CATSPERB: variants seen among roughly 807,000 people sequenced by gnomAD.
The protein encoded by CATSPERB is catsper channel auxiliary subunit beta, also known as cation channel sperm-associated auxiliary subunit beta.
A neutral mutation model predicts 128.3 loss-of-function variants in CATSPERB; 93 were observed. The ratio of observed to expected loss-of-function variants is 0.72; its 90% CI spans 0.61 to 0.86. The LOEUF (loss-of-function observed/expected upper bound fraction) is 0.86, where lower values mean the gene tolerates loss of function less well. Among genes scored for constraint, CATSPERB ranks in the 40% least tolerant of loss-of-function variants. CATSPERB has a pLI of 0.00. For missense variants in CATSPERB, 1,153 were observed against 1,329.5 expected (o/e 0.87, Z 2.06); for synonymous variants, 381 against 448.8 (o/e 0.85, Z 1.91).
Position 91,704,664 on chromosome 14 carries a change from T to G in CATSPERB, c.504A>C (p.Pro168=). 1 of 1,613,914 alleles carries G rather than the reference T, an allele frequency of 6.2e-7. No homozygotes were observed. The highest frequency in any genetic ancestry group is 8.5e-7 in the Non-Finnish European group (1 of 1,179,866). The change falls in exon 7 of 27, where the codon CCA becomes CCC. Residue 168 remains proline (P), a synonymous_variant. Coordinates refer to ENST00000256343, the MANE Select transcript of CATSPERB (RefSeq NM_024764.4). ...GATATAATTTACTGATTTCACTTTC[T>G]GGAATCACATCCCCAGGAGTCCACT... ...ILQWTPGDVI[P]ESEISKLYPH... is the part of the protein sequence containing the mutation.
At chr14:91,679,489 T>C (rs1317453836) in intron 11 of CATSPERB, among the ~76,000 whole-genome samples, 1 of 152,172 alleles carries the variant, frequency 6.6e-6, no homozygotes, top group Non-Finnish European at 1.5e-5. Flanking sequence ...CTATATCAGA[T>C]GTAAGATTTT....
chr14:91,612,051 TC>T (rs1893841286), intron 20 of CATSPERB, among the ~76,000 whole-genome samples: 1 of 119,780 alleles, frequency 8.3e-6, no homozygotes, highest in Non-Finnish European at 1.8e-5. Context: ...TTTCTTTCTT[TC>T]TTTCTTTCTT....
At chr14:91,676,931 C>G (rs1319800318) in intron 11 of CATSPERB, among the ~76,000 whole-genome samples, 3 of 152,138 alleles carry the variant, frequency 2.0e-5, no homozygotes, top group African/African-American at 4.8e-5. Flanking sequence ...CATCTACAAC[C>G]ATCTCATCTT....
chr14:91,670,606 G>A (rs889294176), intron 13 of CATSPERB, among the ~76,000 whole-genome samples: 1 of 152,086 alleles, frequency 6.6e-6, no homozygotes, highest in African/African-American at 2.4e-5. Flanking sequence ...GCTTGAGCCA[G>A]GAGTTAGAGT....
At chr14:91,594,390 A>G (rs990696569) in intron 22 of CATSPERB, among the ~76,000 whole-genome samples, 3 of 152,104 alleles carry the variant, frequency 2.0e-5, no homozygotes, top group African/African-American at 7.2e-5. Flanking sequence ...TGACGAGTTA[A>G]TGGGTGCAGC....
intron 17 of CATSPERB, among the ~76,000 whole-genome samples, chr14:91,633,002 T>C (rs1235006804): frequency 1.3e-5 from 2 of 152,162 alleles, no homozygotes; most frequent in South Asian, 2.1e-4. Context: ...CTTGTTAAAC[T>C]AACCCTTATC....
At chr14:91,703,346 A>C (rs901188154) in intron 7 of CATSPERB, among the ~76,000 whole-genome samples, 1 of 152,148 alleles carries the variant, frequency 6.6e-6, no homozygotes, top group Non-Finnish European at 1.5e-5. Flanking sequence ...TTCCTGCATG[A>C]TGGAGTGCTA....
At chr14:91,668,198 T>C (rs190240818) in intron 14 of CATSPERB, among the ~76,000 whole-genome samples, 33 of 152,220 alleles carry the variant, frequency 2.2e-4, no homozygotes, top group African/African-American at 7.9e-4. Context: ...CCAGCTGGAC[T>C]TCCTGGGTCG....
Position 91,585,126 on chromosome 14 carries a change from C to A in CATSPERB, c.3132+2076G>T, listed in dbSNP as rs1191323427. Among the ~76,000 whole-genome samples, 6 of 152,192 alleles carry A rather than the reference C, an allele frequency of 3.9e-5. No individual in the cohort carries two copies. In the South Asian group the frequency reaches 1.0e-3, roughly 26 times the overall value. On this transcript the variant is annotated intron_variant, in intron 26 of 26. Transcript: ENST00000256343. ...TGACCTCCCAGGCTGAAGCAACCCT[C>A]CCACCTTGGCCTCCAGAGTAGCTGG... is the stretch of plus-strand genomic sequence containing the variant.
intron 16 of CATSPERB, among the ~76,000 whole-genome samples, 157 bp from the exon 17 acceptor site, chr14:91,636,736 T>C (rs1894383199): frequency 1.3e-5 from 2 of 152,198 alleles, no homozygotes; most frequent in East Asian, 1.9e-4. Context: ...GGAACATCCA[T>C]GTGTGTGCAA....
At chr14:91,603,441 A>C in intron 22 of CATSPERB, 1 of 1,557,280 alleles carries the variant, frequency 6.4e-7, no homozygotes, top group African/African-American at 1.4e-5. Context: ...CATCAGAACT[A>C]GTTATACCAG....
intron 11 of CATSPERB, among the ~76,000 whole-genome samples, chr14:91,680,080 A>C (rs1895254357): frequency 6.6e-6 from 1 of 152,206 alleles, no homozygotes; most frequent in East Asian, 1.9e-4. Flanking sequence ...GTATTAAAAA[A>C]CATTAAGATT....
rs1893900511 is a variant in CATSPERB, at chr14:91,614,607, C to A, written c.2400+2990G>T. On this transcript the variant is annotated intron_variant, in intron 20 of 26. Transcript: ENST00000256343. The stretch of plus-strand genomic sequence containing the variant: ...CAGGAGCCCAGTACCTTGAGACCAG[C>A]CTGGGCAACATGGTAAAACTCCATC... Among the ~76,000 whole-genome samples the A allele has an allele frequency of 2.0e-5, 3 of 151,332 alleles. No individual in the cohort carries two copies. In the South Asian group the frequency reaches 6.3e-4, roughly 32 times the overall value.
chr14:91,635,635 G>C (rs1241819915), intron 17 of CATSPERB: 1 of 152,160 alleles, frequency 6.6e-6, no homozygotes, highest in African/African-American at 2.4e-5. Context: ...TGGGATTACA[G>C]GTGTGAGCCA....
At chr14:91,631,517 TAGTC>T (rs1006615489) in intron 17 of CATSPERB, among the ~76,000 whole-genome samples, 1 of 151,954 alleles carries the variant, frequency 6.6e-6, no homozygotes, top group Non-Finnish European at 1.5e-5. Flanking sequence ...TACAAAAAAT[TAGTC>T]AGGCGTGGTG....
At chr14:91,598,388 T>G (rs1228339382) in intron 22 of CATSPERB, among the ~76,000 whole-genome samples, 1 of 152,108 alleles carries the variant, frequency 6.6e-6, no homozygotes, top group Non-Finnish European at 1.5e-5. Flanking sequence ...AGATATCTAT[T>G]ATTTAATTTA....
intron 11 of CATSPERB, among the ~76,000 whole-genome samples, chr14:91,683,189 T>C (rs1489287772): frequency 1.3e-5 from 2 of 152,226 alleles, no homozygotes; most frequent in Non-Finnish European, 2.9e-5. Context: ...GAAACTCCTA[T>C]GTCCCTGCAC....
At position 91,588,004 on chromosome 14, in the gene CATSPERB, G is replaced by A. The variant is rs1893332903; in HGVS notation, c.3031C>T (p.Pro1011Ser). ...EPILGAAVYN[P>S]SGLNLSIKGS... ...TTTATGCTTAAGTTGAGACCTGAAGGATTATACACTGCAGCACCAAGAATT... is the reference window on the plus strand; with the variant it reads ...TTTATGCTTAAGTTGAGACCTGAAGAATTATACACTGCAGCACCAAGAATT... Residue 1011 changes from proline (P) to serine (S), a missense_variant, in exon 25 of 27, where the codon CCT becomes TCT. Transcript: ENST00000256343. 1 of 1,610,626 alleles carries A rather than the reference G, an allele frequency of 6.2e-7. No individual in the cohort carries two copies. Among genetic ancestry groups the A allele is most frequent in the Admixed American group, 1.7e-5 (1 of 59,882 alleles).
intron 10 of CATSPERB, among the ~76,000 whole-genome samples, chr14:91,684,642 T>G (rs1895343395): frequency 7.1e-6 from 1 of 141,372 alleles, no homozygotes; most frequent in African/African-American, 2.6e-5. Flanking sequence ...TGAGAAGGAG[T>G]CTTACTCTGT....
Sources: allele counts gnomAD v4.1 joint callset (sites outside exome capture counted in the v4.1 genomes callset), GRCh38; gene constraint gnomAD v4.1.1; transcripts MANE v1.5; gene names NCBI Gene and HGNC (gene_info 2026-07-23, HGNC 2026-07-21).